CORO2B: variants seen among roughly 807,000 people sequenced by gnomAD.
CORO2B encodes the protein coronin 2B.
CORO2B carries 26 observed loss-of-function variants against 58.8 expected under a neutral mutation model. The observed-to-expected ratio is 0.44, with a 90% CI of 0.32 to 0.61. CORO2B has a LOEUF of 0.61. Among genes scored for constraint, CORO2B ranks in the 20% least tolerant of loss-of-function variants. The probability of loss-of-function intolerance (pLI) is 0.04; values close to 1 mark genes in which losing one functional copy is unlikely to be tolerated. For synonymous variants in CORO2B, 242 were observed against 253.8 expected, an observed-to-expected ratio of 0.95 and a Z score of 0.44; for missense variants, 460 against 645.1, an observed-to-expected ratio of 0.71 and a Z score of 3.11.
chr15:68,667,499 G>C (rs968828871), intron 2 of CORO2B, among the ~76,000 whole-genome samples: 3 of 152,252 alleles, frequency 2.0e-5, no homozygotes, highest in African/African-American at 7.2e-5. Context: ...CCAAATACTG[G>C]ACAGGGATCT....
chr15:68,593,135 T>C (rs1410740137), intron 1 of CORO2B, among the ~76,000 whole-genome samples: 1 of 152,152 alleles, frequency 6.6e-6, no homozygotes, highest in East Asian at 1.9e-4. Context: ...ATAATCACAT[T>C]AATTAATTTG....
chr15:68,685,025 C>G (rs570152709), intron 2 of CORO2B, among the ~76,000 whole-genome samples: 1 of 152,146 alleles, frequency 6.6e-6, no homozygotes, highest in East Asian at 1.9e-4. Context: ...TAGGGGTGGC[C>G]CATGAAAAAA....
chr15:68,596,777 C>T (rs1031023532), intron 1 of CORO2B, among the ~76,000 whole-genome samples: 37 of 152,242 alleles, frequency 2.4e-4, no homozygotes, highest in Middle Eastern at 6.8e-3. Context: ...AGAGTCTTCC[C>T]GGAGCTCCTG....
chr15:68,697,130 A>ATGGATGGATGGATTGT (rs537299305), intron 3 of CORO2B, among the ~76,000 whole-genome samples: 2 of 151,830 alleles, frequency 1.3e-5, no homozygotes, highest in African/African-American at 4.8e-5. Context: ...TTGTGGATGG[A>ATGGATGGATGGATTGT]TGGATGGATG....
intron 5 of CORO2B, among the ~76,000 whole-genome samples, chr15:68,713,603 G>A (rs374167960): frequency 4.6e-5 from 7 of 152,214 alleles, no homozygotes; most frequent in East Asian, 3.9e-4. Context: ...GGGGGTTGCC[G>A]GCTCCCGTGG....
At chr15:68,582,770 A>G (rs1216388186) in intron 1 of CORO2B, among the ~76,000 whole-genome samples, 4 of 152,094 alleles carry the variant, frequency 2.6e-5, no homozygotes, top group African/African-American at 7.2e-5. Flanking sequence ...GCTGGCTGTG[A>G]TGTGACCCAG....
At chr15:68,568,609 A>G in the CORO2B span, among the ~76,000 whole-genome samples, 1 of 152,234 alleles carries the variant, frequency 6.6e-6, no homozygotes, top group Non-Finnish European at 1.5e-5. Flanking sequence ...CCTTATGTCA[A>G]TAAACCATCC....
At chr15:68,696,126 T>G (rs1270976290) in intron 3 of CORO2B, among the ~76,000 whole-genome samples, 1 of 150,904 alleles carries the variant, frequency 6.6e-6, no homozygotes, top group South Asian at 2.1e-4. Flanking sequence ...GGTGCACACC[T>G]GTAGTCCCAG....
chr15:68,725,188 G>A (rs1345009709), intron 11 of CORO2B, among the ~76,000 whole-genome samples: 1 of 152,054 alleles, frequency 6.6e-6, no homozygotes, highest in Non-Finnish European at 1.5e-5. Flanking sequence ...GGCCAACATG[G>A]TGAAACCCAG....
chr15:68,644,817 A>G (rs1459987452), intron 1 of CORO2B, among the ~76,000 whole-genome samples: 4 of 152,168 alleles, frequency 2.6e-5, no homozygotes, highest in Non-Finnish European at 5.9e-5. Flanking sequence ...GGGAGTCTGT[A>G]TGTGTTCTTG....
chr15:68,585,533 G>T (rs143891009), intron 1 of CORO2B, among the ~76,000 whole-genome samples: 1 of 152,178 alleles, frequency 6.6e-6, no homozygotes, highest in African/African-American at 2.4e-5. Context: ...TGAATGAATG[G>T]GTGGGGAGCA....
intron 2 of CORO2B, among the ~76,000 whole-genome samples, chr15:68,668,179 C>T (rs1902258859): frequency 6.6e-6 from 1 of 152,190 alleles, no homozygotes; most frequent in Non-Finnish European, 1.5e-5. Context: ...AGTTTAGCAC[C>T]ATGCCTGACA....
chr15:68,641,615 CTCAGGAGAGCCTA>C (rs1203380168), intron 1 of CORO2B: 19 of 984,874 alleles, frequency 1.9e-5, no homozygotes, highest in Non-Finnish European at 2.2e-5. Context: ...GCCGGGTGGG[CTCAGGAGAGCCTA>C]TCAGGTCAGC....
At chr15:68,601,042 A>T (rs1012646283) in intron 1 of CORO2B, among the ~76,000 whole-genome samples, 10 of 152,094 alleles carry the variant, frequency 6.6e-5, no homozygotes, top group African/African-American at 2.4e-4. Flanking sequence ...AGGCAGGGGC[A>T]CTCCTGTGGT....
intron 1 of CORO2B, among the ~76,000 whole-genome samples, chr15:68,621,770 T>C (rs1900527128): frequency 1.3e-5 from 2 of 149,492 alleles, no homozygotes; most frequent in Non-Finnish European, 3.0e-5. Context: ...TTCACTTCTT[T>C]TTTTTTTTTT....
chr15:68,702,633 C>T (rs1275233141), intron 3 of CORO2B, among the ~76,000 whole-genome samples: 3 of 151,878 alleles, frequency 2.0e-5, no homozygotes, highest in Admixed American at 6.6e-5. Context: ...AGCCTCCTGG[C>T]CCCTAAGCAA....
intron 3 of CORO2B, among the ~76,000 whole-genome samples, chr15:68,699,842 G>T (rs1042463494): frequency 2.0e-5 from 3 of 152,198 alleles, no homozygotes; most frequent in African/African-American, 7.2e-5. Context: ...AGTGGCCCTG[G>T]TTCTACAAGG....
intron 2 of CORO2B, among the ~76,000 whole-genome samples, chr15:68,682,116 C>T (rs1034145229): frequency 6.6e-6 from 1 of 152,118 alleles, no homozygotes; most frequent in Non-Finnish European, 1.5e-5. Context: ...CATGGTAGGG[C>T]ACTGCATCCC....
chr15:68,704,526 C>A lies in CORO2B; in HGVS notation c.334-6206C>A, dbSNP rs552965330. Among the ~76,000 whole-genome samples the A allele has an allele frequency of 4.3e-4, 65 of 151,912 alleles. 2 individuals are homozygous for A. Among genetic ancestry groups the A allele is most frequent in the Non-Finnish European group, 5.9e-5 (4 of 67,864 alleles). On this transcript the variant is annotated intron_variant, in intron 3 of 11. Coordinates refer to ENST00000261861, the MANE Select transcript of CORO2B (RefSeq NM_006091.5). ...CTGCATTCTAACAGAGCTGTCAGACCACAAAGCTTCTTGCTTGTTGGCCAG... is the reference window on the plus strand; with the variant it reads ...CTGCATTCTAACAGAGCTGTCAGACAACAAAGCTTCTTGCTTGTTGGCCAG...
Sources: gnomAD v4.1 joint callset for allele counts (sites outside exome capture counted in the v4.1 genomes callset) on GRCh38, gnomAD v4.1.1 for gene constraint, MANE v1.5 for transcripts, NCBI Gene and HGNC (gene_info 2026-07-23, HGNC 2026-07-21) for gene names.